PCDH7: variants seen among roughly 807,000 people sequenced by gnomAD.
The protein encoded by PCDH7 is protocadherin 7, also known as protocadherin-7.
Under a neutral mutation model 58.9 loss-of-function variants are expected in PCDH7, and 17 were observed. The observed-to-expected ratio is 0.29, with a 90% CI of 0.20 to 0.43. The LOEUF (loss-of-function observed/expected upper bound fraction) is 0.43, where lower values mean the gene tolerates loss of function less well. PCDH7 is among the 20% of genes least tolerant of loss of function. The pLI is 1.00. For missense variants in PCDH7, 1,274 were observed against 1,441.0 expected, an observed-to-expected ratio of 0.88 and a Z score of 1.88; for synonymous variants, 664 against 616.4, an observed-to-expected ratio of 1.08 and a Z score of -1.14.
intron 3 of PCDH7, among the ~76,000 whole-genome samples, chr4:31,003,018 G>A (rs562176199): frequency 8.5e-5 from 13 of 152,244 alleles, no homozygotes; most frequent in African/African-American, 2.4e-4. Flanking sequence ...CCTTTGAAAC[G>A]TAATAACTAT....
At chr4:31,135,369 A>G (rs1228905351) in intron 3 of PCDH7, among the ~76,000 whole-genome samples, 1 of 152,178 alleles carries the variant, frequency 6.6e-6, no homozygotes, top group African/African-American at 2.4e-5. Context: ...ATTTTGAGCA[A>G]CCATGACACG....
At chr4:31,122,980 C>G (rs927312725) in intron 3 of PCDH7, among the ~76,000 whole-genome samples, 24 of 151,904 alleles carry the variant, frequency 1.6e-4, no homozygotes, top group Non-Finnish European at 2.2e-4. Flanking sequence ...AAATCATTAA[C>G]TTTTGTACAC....
chr4:30,832,573 T>A (rs1729938059), intron 1 of PCDH7, among the ~76,000 whole-genome samples: 1 of 152,148 alleles, frequency 6.6e-6, no homozygotes, highest in South Asian at 2.1e-4. Context: ...GTGCCTACCT[T>A]GTAACAATGT....
chr4:30,816,827 G>T (rs1490538155), intron 1 of PCDH7, among the ~76,000 whole-genome samples: 4 of 152,080 alleles, frequency 2.6e-5, no homozygotes. Flanking sequence ...TTATCAGAAA[G>T]AATAGGGAAA....
At chr4:30,764,922 C>T (rs1339075373) in intron 1 of PCDH7, among the ~76,000 whole-genome samples, 1 of 151,854 alleles carries the variant, frequency 6.6e-6, no homozygotes, top group Non-Finnish European at 1.5e-5. Flanking sequence ...GGTTTCACCA[C>T]GTTGGTCAGG....
chr4:31,020,845 A>G (rs1410512818), intron 3 of PCDH7, among the ~76,000 whole-genome samples: 2 of 152,152 alleles, frequency 1.3e-5, no homozygotes, highest in African/African-American at 2.4e-5. Flanking sequence ...TGTGAAATCC[A>G]TGTTTGATTA....
At chr4:31,041,415 C>T (rs528626417) in intron 3 of PCDH7, among the ~76,000 whole-genome samples, 47 of 152,088 alleles carry the variant, frequency 3.1e-4, no homozygotes, top group Non-Finnish European at 5.9e-4. Context: ...AAAGAGCATG[C>T]TCCTTGCTTA....
At chr4:30,863,107 C>T (rs189716864) in intron 1 of PCDH7, among the ~76,000 whole-genome samples, 32 of 152,172 alleles carry the variant, frequency 2.1e-4, no homozygotes, top group Admixed American at 2.0e-3. Flanking sequence ...CGTATGTGTT[C>T]CGGGATCAGA....
At chr4:30,891,027 C>T (rs1738538557) in intron 1 of PCDH7, among the ~76,000 whole-genome samples, 1 of 152,010 alleles carries the variant, frequency 6.6e-6, no homozygotes, top group South Asian at 2.1e-4. Flanking sequence ...ATGAAACTCT[C>T]ATGATGATAC....
chr4:30,978,806 T>C (rs1452196652), intron 3 of PCDH7, among the ~76,000 whole-genome samples: 3 of 152,154 alleles, frequency 2.0e-5, no homozygotes, highest in Non-Finnish European at 1.5e-5. Context: ...AAGTGACTGT[T>C]GAAAATTCAA....
rs139408353 is a variant in PCDH7 at position 30,851,658 on chromosome 4, A to G, written c.71-68495A>G. On this transcript the variant is annotated intron_variant, in intron 1 of 3. Transcript: ENST00000509759. ...GTGAAAGATGCCTTTTGGAAATGGC[A>G]TTAATAGACCTCTTATTCTACCTTC... Among the ~76,000 whole-genome samples, 15 of 152,214 alleles carry G rather than the reference A, an allele frequency of 9.9e-5. No individual in the cohort carries two copies. The East Asian group carries it at 2.9e-3, about 30-fold the overall frequency.
At chr4:30,888,040 T>C (rs1578176962) in intron 1 of PCDH7, among the ~76,000 whole-genome samples, 1 of 152,018 alleles carries the variant, frequency 6.6e-6, no homozygotes, top group Non-Finnish European at 1.5e-5. Context: ...CAAGCCCGAC[T>C]AATTTTTGTA....
intron 2 of PCDH7, among the ~76,000 whole-genome samples, chr4:30,947,253 G>C (rs1420536308): frequency 6.6e-6 from 1 of 152,020 alleles, no homozygotes; most frequent in African/African-American, 2.4e-5. Context: ...GATTCATATT[G>C]TTTCATTGCT....
intron 3 of PCDH7, among the ~76,000 whole-genome samples, chr4:31,004,817 A>G (rs1253376120): frequency 6.6e-6 from 1 of 152,194 alleles, no homozygotes; most frequent in Non-Finnish European, 1.5e-5. Flanking sequence ...TTTAAAGATG[A>G]GAAAACAGAA....
chr4:30,987,917 G>C lies in PCDH7; in HGVS notation c.*7+37702G>C, dbSNP rs190343274. ...AGGAAAGAACCCTAGAAGTATATTA[G>C]GGGACATTTAATTTCTAGGGAGGGT... On this transcript the variant is annotated intron_variant, in intron 3 of 3. Coordinates refer to the PCDH7 transcript ENST00000509759. The C allele has an allele frequency of 2.5e-3, 385 of 152,162 alleles. 4 individuals carry two copies. The Middle Eastern group carries it at 0.027, about 11-fold the overall frequency. 9.4% of individuals were successfully genotyped at this position (152,162 alleles called of 1,614,324 possible). A position where few individuals can be genotyped will look rare whatever the true frequency, so the allele number is the denominator to read the frequency against.
intron 1 of PCDH7, among the ~76,000 whole-genome samples, chr4:30,827,751 G>C (rs541282516): frequency 9.9e-5 from 15 of 152,178 alleles, no homozygotes; most frequent in African/African-American, 3.4e-4. Context: ...CTATGTGACA[G>C]AACATGATTC....
intron 1 of PCDH7, among the ~76,000 whole-genome samples, chr4:30,869,360 G>A (rs528841906): frequency 1.2e-4 from 19 of 152,086 alleles, no homozygotes; most frequent in East Asian, 7.8e-4. Context: ...AGGTATACAC[G>A]TGCCATGGTG....
chr4:30,788,828 T>A (rs777294412), intron 1 of PCDH7, among the ~76,000 whole-genome samples: 3 of 152,294 alleles, frequency 2.0e-5, no homozygotes, highest in Admixed American at 6.5e-5. Context: ...TTTTTTGAGT[T>A]CATGGGTATT....
At chr4:31,058,511 A>T (rs1325436601) in intron 3 of PCDH7, among the ~76,000 whole-genome samples, 2 of 152,070 alleles carry the variant, frequency 1.3e-5, no homozygotes, top group African/African-American at 4.8e-5. Flanking sequence ...GAGTGCATTT[A>T]CCTGAGAAGT....
Sources: gnomAD v4.1 joint callset for allele counts (sites outside exome capture counted in the v4.1 genomes callset) on GRCh38, gnomAD v4.1.1 for gene constraint, MANE v1.5 for transcripts, NCBI Gene and HGNC (gene_info 2026-07-23, HGNC 2026-07-21) for gene names.